The following PDGFD variants were observed in gnomAD, a reference collection of about 807,000 sequenced individuals.
PDGFD encodes platelet derived growth factor D, also known as platelet-derived growth factor D.
A neutral mutation model predicts 44.7 loss-of-function variants in PDGFD; 30 were observed. The observed-to-expected ratio is 0.67, with a 90% CI of 0.50 to 0.91. The LOEUF (loss-of-function observed/expected upper bound fraction) is 0.91. PDGFD is among the 40% of genes least tolerant of loss of function. The probability of loss-of-function intolerance (pLI) is 0.00; values close to 1 mark genes in which losing one functional copy is unlikely to be tolerated. For missense variants in PDGFD, 445 were observed against 457.8 expected (o/e 0.97, Z 0.25); for synonymous variants, 173 against 168.4 (o/e 1.03, Z -0.21).
chr11:103,936,908 C>T (rs1027547409), intron 5 of PDGFD, among the ~76,000 whole-genome samples: 1 of 151,842 alleles, frequency 6.6e-6, no homozygotes, highest in Non-Finnish European at 1.5e-5. Flanking sequence ...CCATGGTAGC[C>T]TTGAACTACC....
chr11:104,140,372 A>T (rs1480938364), intron 1 of PDGFD, among the ~76,000 whole-genome samples: 1 of 152,078 alleles, frequency 6.6e-6, no homozygotes, highest in African/African-American at 2.4e-5. Flanking sequence ...TCCAGCAGAG[A>T]CAAGTTAAAG....
chr11:104,038,959 A>G (rs1860302073), intron 1 of PDGFD: 1 of 167,096 alleles, frequency 6.0e-6, no homozygotes, highest in East Asian at 1.9e-4. Context: ...TTAAAATAAC[A>G]TTTGAAAACT....
intron 1 of PDGFD, among the ~76,000 whole-genome samples, chr11:104,013,116 G>T (rs1174975960): frequency 2.0e-5 from 3 of 152,206 alleles, no homozygotes; most frequent in Non-Finnish European, 4.4e-5. Context: ...ACAAGTGTCT[G>T]AATGTTGAAG....
At chr11:104,146,371 G>T (rs1175847603) in intron 1 of PDGFD, among the ~76,000 whole-genome samples, 2 of 152,172 alleles carry the variant, frequency 1.3e-5, no homozygotes, top group Admixed American at 6.5e-5. Context: ...ATGGACATCA[G>T]TCAGGATGTT....
chr11:104,065,943 T>C (rs1860785504), intron 1 of PDGFD, among the ~76,000 whole-genome samples: 1 of 152,206 alleles, frequency 6.6e-6, no homozygotes, highest in Non-Finnish European at 1.5e-5. Context: ...AGGGTAGAAA[T>C]ACAATTACCT....
chr11:104,048,548 T>C (rs1315370023), intron 1 of PDGFD, among the ~76,000 whole-genome samples: 1 of 152,210 alleles, frequency 6.6e-6, no homozygotes, highest in Non-Finnish European at 1.5e-5. Flanking sequence ...CAAAACCCTA[T>C]GGACAGCTAG....
At chr11:104,065,538 A>G (rs1860777082) in intron 1 of PDGFD, among the ~76,000 whole-genome samples, 1 of 152,242 alleles carries the variant, frequency 6.6e-6, no homozygotes, top group South Asian at 2.1e-4. Context: ...AAATATAAAT[A>G]AAATAAGAAT....
chr11:104,057,443 A>G (rs2134411016), intron 1 of PDGFD, among the ~76,000 whole-genome samples: 1 of 152,282 alleles, frequency 6.6e-6, no homozygotes, highest in Non-Finnish European at 1.5e-5. Context: ...CAAATACCAC[A>G]TGCCCTCACT....
intron 1 of PDGFD, among the ~76,000 whole-genome samples, chr11:104,156,309 T>C (rs1350236833): frequency 6.6e-6 from 1 of 152,092 alleles, no homozygotes. Flanking sequence ...AAGCCTTGAT[T>C]ATGCCACTGA....
intron 3 of PDGFD, among the ~76,000 whole-genome samples, chr11:103,987,437 T>C (rs1425367159): frequency 6.6e-6 from 1 of 152,156 alleles, no homozygotes; most frequent in Non-Finnish European, 1.5e-5. Context: ...TTATGACCAT[T>C]TGTAACCAGA....
At chr11:103,911,564 C>T (rs1426419903) in intron 6 of PDGFD, among the ~76,000 whole-genome samples, 2 of 152,048 alleles carry the variant, frequency 1.3e-5, no homozygotes, top group East Asian at 1.9e-4. Flanking sequence ...ACCAGAACTC[C>T]TCTTCTCAAC....
intron 1 of PDGFD, among the ~76,000 whole-genome samples, chr11:104,083,593 C>A (rs1189672662): frequency 6.6e-6 from 1 of 152,016 alleles, no homozygotes; most frequent in South Asian, 2.1e-4. Context: ...TTTAAAACGA[C>A]CAACAAAAAA....
chr11:104,158,956 C>G (rs1247214844), intron 1 of PDGFD, among the ~76,000 whole-genome samples: 2 of 151,712 alleles, frequency 1.3e-5, no homozygotes, highest in Admixed American at 1.3e-4. Context: ...AGTTCAAGAC[C>G]AGCCTTACCA....
At chr11:103,969,932 A>G (rs917192890) in intron 3 of PDGFD, among the ~76,000 whole-genome samples, 4 of 152,114 alleles carry the variant, frequency 2.6e-5, no homozygotes, top group African/African-American at 7.2e-5. Context: ...AGACTTAGAA[A>G]TTTAAAACAA....
chr11:104,028,966 T>C lies in PDGFD; in HGVS notation c.125-28711A>G, dbSNP rs2134387992. Among the ~76,000 whole-genome samples, 2 of 152,280 alleles carry C rather than the reference T, an allele frequency of 1.3e-5. 1 individual carries two copies. Among genetic ancestry groups the C allele is most frequent in the Middle Eastern group, 6.8e-3 (2 of 294 alleles). On this transcript the variant is annotated intron_variant, in intron 1 of 6. Transcript: ENST00000393158. Reference sequence around the variant, plus strand: ...AGAGTACGTAGTTACTCTGATTAGTTCCTGTCCTCTGGAGGCCTCCAACGA... The same window carrying C: ...AGAGTACGTAGTTACTCTGATTAGTCCCTGTCCTCTGGAGGCCTCCAACGA...
intron 1 of PDGFD, among the ~76,000 whole-genome samples, chr11:104,047,469 A>C (rs1440390925): frequency 6.8e-6 from 1 of 146,846 alleles, no homozygotes; most frequent in Non-Finnish European, 1.5e-5. Context: ...TGTGGTTTTG[A>C]TTTGCATTTC....
At chr11:103,937,785 T>G (rs1461495446) in intron 5 of PDGFD, among the ~76,000 whole-genome samples, 1 of 147,066 alleles carries the variant, frequency 6.8e-6, no homozygotes. Flanking sequence ...TTCCCACCTA[T>G]GAGTGAGAAC....
At chr11:103,919,989 T>C (rs1489706737) in intron 6 of PDGFD, among the ~76,000 whole-genome samples, 3 of 152,208 alleles carry the variant, frequency 2.0e-5, no homozygotes, top group African/African-American at 7.2e-5. Flanking sequence ...CAAAAATATC[T>C]TGAGAAGGGA....
At chr11:104,021,517 G>A (rs764920602) in intron 1 of PDGFD, among the ~76,000 whole-genome samples, 3 of 152,104 alleles carry the variant, frequency 2.0e-5, no homozygotes, top group Non-Finnish European at 4.4e-5. Flanking sequence ...AGCCTTAGGA[G>A]TCATCCACTG....
Sources: gnomAD v4.1 joint callset for allele counts (sites outside exome capture counted in the v4.1 genomes callset) on GRCh38, gnomAD v4.1.1 for gene constraint, MANE v1.5 for transcripts, NCBI Gene and HGNC (gene_info 2026-07-23, HGNC 2026-07-21) for gene names.